Variants in EYS observed in about 807,000 individuals in gnomAD.
EYS encodes the protein protein eyes shut homolog.
Under a neutral mutation model 282.1 loss-of-function variants are expected in EYS, and 250 were observed. That is an observed-to-expected ratio of 0.89 (90% CI 0.80 to 0.98). EYS has a LOEUF of 0.98. Among genes scored for constraint, EYS ranks in the 50% least tolerant of loss-of-function variants. The pLI, the probability that EYS is intolerant of heterozygous loss-of-function variation, is 0.00. For missense variants in EYS, 4,016 were observed against 3,709.0 expected (o/e 1.08, Z -2.15); for synonymous variants, 1,355 against 1,282.9 (o/e 1.06, Z -1.20).
chr6:65,137,450 T>C (rs1042272147), intron 12 of EYS, among the ~76,000 whole-genome samples: 1 of 152,088 alleles, frequency 6.6e-6, no homozygotes. Flanking sequence ...GACTGACCAC[T>C]TGATATTAAG....
Position 65,004,794 on chromosome 6 carries a change from C to G in EYS, c.2138-7091G>C, listed in dbSNP as rs191412185. Among the ~76,000 whole-genome samples the G allele has an allele frequency of 4.5e-3, 673 of 147,938 alleles. 20 individuals are homozygous for G. The highest frequency in any genetic ancestry group is 0.015 in the African/African-American group (634 of 41,326). On this transcript the variant is annotated intron_variant, in intron 13 of 42. Coordinates refer to ENST00000503581, the MANE Select transcript of EYS (RefSeq NM_001142800.2). ...CCATATTATCATTGTGACTCTCTCTCTCTCTCCCTTTCCCTCTACATTACA... is the reference window on the plus strand; with the variant it reads ...CCATATTATCATTGTGACTCTCTCTGTCTCTCCCTTTCCCTCTACATTACA...
chr6:63,938,179 TA>T (rs1369888819), intron 35 of EYS, among the ~76,000 whole-genome samples: 1 of 152,188 alleles, frequency 6.6e-6, no homozygotes, highest in African/African-American at 2.4e-5. Flanking sequence ...CTCAAGTACC[TA>T]GCCAACCTCA....
chr6:63,846,703 C>T (rs2149700442), intron 36 of EYS, among the ~76,000 whole-genome samples: 1 of 152,300 alleles, frequency 6.6e-6, no homozygotes, highest in South Asian at 2.1e-4. Flanking sequence ...ACCAGTTAGG[C>T]TCTATAGTGA....
chr6:65,199,438 C>A (rs6903930), intron 12 of EYS, among the ~76,000 whole-genome samples: 53 of 152,158 alleles, frequency 3.5e-4, no homozygotes, highest in Admixed American at 1.4e-3. Flanking sequence ...TCTAATATTT[C>A]ATTCATATTT....
At chr6:65,278,377 T>TAGAATATATATGTTATATA (rs1768121929) in intron 12 of EYS, among the ~76,000 whole-genome samples, 1 of 44,814 alleles carries the variant, frequency 2.2e-5, no homozygotes, top group African/African-American at 4.4e-5. Flanking sequence ...ATTATATATA[T>TAGAATATATATGTTATATA]TTTATAGAAA....
chr6:63,916,280 T>G (rs557447348), intron 35 of EYS, among the ~76,000 whole-genome samples: 2 of 152,362 alleles, frequency 1.3e-5, no homozygotes, highest in South Asian at 4.1e-4. Context: ...CATTTTATTC[T>G]GGTATAAATG....
chr6:65,682,883 T>C (rs1405747052), intron 1 of EYS, among the ~76,000 whole-genome samples: 2 of 151,788 alleles, frequency 1.3e-5, no homozygotes, highest in Admixed American at 6.6e-5. Flanking sequence ...CATATGAGAG[T>C]GGCTAGAATT....
intron 29 of EYS, among the ~76,000 whole-genome samples, chr6:64,351,370 A>C (rs1398153495): frequency 6.6e-6 from 1 of 151,432 alleles, no homozygotes; most frequent in Non-Finnish European, 1.5e-5. Flanking sequence ...GTATTCAGAG[A>C]TTCTAGAATT....
intron 41 of EYS, among the ~76,000 whole-genome samples, chr6:63,727,706 CA>C (rs1169878020): frequency 2.0e-3 from 19 of 9,504 alleles, no homozygotes; most frequent in South Asian, 8.0e-3. Context: ...CACCATCTCT[CA>C]AAAAAAAAAA....
chr6:63,986,855 T>C (rs1297559550), intron 34 of EYS, among the ~76,000 whole-genome samples: 2 of 151,448 alleles, frequency 1.3e-5, no homozygotes. Flanking sequence ...GGTGATGAAA[T>C]AATCTGTACA....
intron 1 of EYS, among the ~76,000 whole-genome samples, chr6:65,691,896 G>T (rs1562331588): frequency 6.7e-6 from 1 of 149,868 alleles, no homozygotes; most frequent in Admixed American, 6.7e-5. Context: ...GGTTATAGAT[G>T]TGTGGTGTTT....
chr6:65,271,749 A>T (rs1767912266), intron 12 of EYS, among the ~76,000 whole-genome samples: 1 of 151,638 alleles, frequency 6.6e-6, no homozygotes, highest in African/African-American at 2.4e-5. Context: ...CATCCAGCTA[A>T]TTTTTTGTAT....
chr6:65,177,577 C>T (rs1427993308), intron 12 of EYS, among the ~76,000 whole-genome samples: 1 of 151,646 alleles, frequency 6.6e-6, no homozygotes, highest in South Asian at 2.1e-4. Flanking sequence ...GTTCTCTTTC[C>T]AATTCAGTAT....
At chr6:65,626,078 G>C (rs1406467964) in intron 2 of EYS, among the ~76,000 whole-genome samples, 1 of 152,128 alleles carries the variant, frequency 6.6e-6, no homozygotes, top group Non-Finnish European at 1.5e-5. Context: ...AGCCTGTGTA[G>C]TGATGTGTAT....
intron 2 of EYS, among the ~76,000 whole-genome samples, chr6:65,598,871 G>A (rs1382713585): frequency 6.6e-6 from 1 of 151,992 alleles, no homozygotes; most frequent in East Asian, 1.9e-4. Flanking sequence ...TTCCACAACT[G>A]TAATCAAAGG....
intron 26 of EYS, among the ~76,000 whole-genome samples, chr6:64,494,874 A>G (rs534237318): frequency 6.6e-6 from 1 of 151,830 alleles, no homozygotes; most frequent in African/African-American, 2.4e-5. Context: ...GCTTAGGTAA[A>G]TGTGTAAATA....
At chr6:64,120,148 C>T (rs556763566) in intron 31 of EYS, among the ~76,000 whole-genome samples, 1 of 151,116 alleles carries the variant, frequency 6.6e-6, no homozygotes, top group South Asian at 2.1e-4. Context: ...GAGATCGAGA[C>T]CATCCTGGCT....
chr6:64,102,248 A>C (rs1406679026), intron 31 of EYS, among the ~76,000 whole-genome samples: 1 of 152,222 alleles, frequency 6.6e-6, no homozygotes, highest in Non-Finnish European at 1.5e-5. Flanking sequence ...AAGTATTTCA[A>C]AGTGTGGGTA....
chr6:65,518,329 T>G (rs1291406971), intron 2 of EYS, among the ~76,000 whole-genome samples: 8 of 152,132 alleles, frequency 5.3e-5, no homozygotes, highest in Non-Finnish European at 1.0e-4. Context: ...ACCTCCAACT[T>G]TCCACCTTCA....
Sources: allele counts gnomAD v4.1 joint callset (sites outside exome capture counted in the v4.1 genomes callset), GRCh38; gene constraint gnomAD v4.1.1; transcripts MANE v1.5; gene names NCBI Gene and HGNC (gene_info 2026-07-23, HGNC 2026-07-21).